Variants in YIPF6 observed in about 807,000 individuals in gnomAD.
YIPF6 encodes protein YIPF6.
Under a neutral mutation model 16.8 loss-of-function variants are expected in YIPF6, and 3 were observed. The ratio of observed to expected loss-of-function variants is 0.18; its 90% CI spans 0.08 to 0.46. The LOEUF is 0.46. YIPF6 is among the 20% of genes least tolerant of loss of function. The pLI, the probability that YIPF6 is intolerant of heterozygous loss-of-function variation, is 0.98. For missense variants in YIPF6, 145 were observed against 184.9 expected, an observed-to-expected ratio of 0.78 and a Z score of 1.25; for synonymous variants, 67 against 61.9, an observed-to-expected ratio of 1.08 and a Z score of -0.38.
chrX:68,532,963 G>A lies in YIPF6; in HGVS notation c.*964G>A, dbSNP rs915034741. ...TGTAGTCTGGCCTCTTAACTAGAAA[G>A]TAAAGCTAAATCAGAAGCCTGTATT... On this transcript the variant is annotated 3_prime_UTR_variant, in exon 7 of 7. Coordinates refer to ENST00000462683, the MANE Select transcript of YIPF6 (RefSeq NM_173834.4). 1 of 111,840 alleles carries A rather than the reference G, an allele frequency of 8.9e-6. No individual in the cohort carries two copies. Among genetic ancestry groups the A allele is most frequent in the African/African-American group, 3.2e-5 (1 of 30,785 alleles). 9.2% of individuals were successfully genotyped at this position (111,840 alleles called of 1,213,427 possible). A position where few individuals can be genotyped will look rare whatever the true frequency, so the allele number is the denominator to read the frequency against.
chrX:68,529,181 C>A (rs974376336), intron 6 of YIPF6, among the ~76,000 whole-genome samples: 2 of 110,280 alleles, frequency 1.8e-5, no homozygotes, highest in African/African-American at 6.6e-5. Context: ...CATTCCTCTT[C>A]ATTCTTTTTT....
chrX:68,512,400 C>T (rs189415714), intron 2 of YIPF6, among the ~76,000 whole-genome samples: 9 of 109,595 alleles, frequency 8.2e-5, no homozygotes, highest in Middle Eastern at 4.7e-3. Flanking sequence ...TGCAGTGAGC[C>T]GAGATCGCAC....
At chrX:68,523,016 A>T in intron 6 of YIPF6, 99 bp downstream of exon 6, 5 of 1,007,544 alleles carry the variant, frequency 5.0e-6, no homozygotes, top group Non-Finnish European at 6.8e-6. Context: ...GTTAGATGTG[A>T]GTGATATGAT....
At chrX:68,525,386 C>T (rs1202751991) in intron 6 of YIPF6, among the ~76,000 whole-genome samples, 1 of 111,770 alleles carries the variant, frequency 8.9e-6, no homozygotes, top group African/African-American at 3.3e-5. Context: ...GGATATTAGC[C>T]CTTTGTCAGA....
intron 1 of YIPF6, among the ~76,000 whole-genome samples, chrX:68,506,772 C>G (rs969456780): frequency 9.0e-6 from 1 of 110,713 alleles, no homozygotes; most frequent in Non-Finnish European, 1.9e-5. Context: ...TGCCTTCTTG[C>G]TATGTTGCCC....
intron 6 of YIPF6, among the ~76,000 whole-genome samples, chrX:68,527,822 T>G: frequency 8.9e-6 from 1 of 112,284 alleles, no homozygotes; most frequent in Non-Finnish European, 1.9e-5. Context: ...TTGATTGCAC[T>G]GTGATCTGAG....
intron 1 of YIPF6, among the ~76,000 whole-genome samples, chrX:68,505,942 G>C (rs1420397235): frequency 1.8e-5 from 2 of 111,205 alleles, no homozygotes; most frequent in Non-Finnish European, 3.8e-5. Flanking sequence ...GACCATATTT[G>C]AATTTTAGCA....
Position 68,532,240 on chromosome X carries a change from A to G in YIPF6, c.*241A>G. 3.3e-6 allele frequency: 1 copy of G among 301,230 alleles called. No individual in the cohort carries two copies. Among genetic ancestry groups the G allele is most frequent in the South Asian group, 8.1e-5 (1 of 12,270 alleles). The allele number at this position is 301,230 out of a possible 1,213,427, so 24.8% of individuals were successfully genotyped here. On this transcript the variant is annotated 3_prime_UTR_variant, in exon 7 of 7. Transcript: ENST00000462683. ...CTTTAAAAATACATGTGCATACTACACACAGTATATAATGCCTCCTTAAGG... is the reference window on the plus strand; with the variant it reads ...CTTTAAAAATACATGTGCATACTACGCACAGTATATAATGCCTCCTTAAGG...
intron 3 of YIPF6, among the ~76,000 whole-genome samples, chrX:68,515,744 C>T (rs1028938553): frequency 1.8e-5 from 2 of 110,650 alleles, no homozygotes; most frequent in Admixed American, 1.9e-4. Flanking sequence ...TTATAGCTCA[C>T]TGTGGCCTCA....
chrX:68,510,052 C>T (rs1034067960), intron 1 of YIPF6, among the ~76,000 whole-genome samples: 4 of 111,936 alleles, frequency 3.6e-5, no homozygotes, highest in Non-Finnish European at 7.5e-5. Flanking sequence ...GATGTCTCTT[C>T]GTGGAAGCAC....
chrX:68,531,367 C>T (rs188286134), intron 6 of YIPF6, among the ~76,000 whole-genome samples: 104 of 111,700 alleles, frequency 9.3e-4, no homozygotes, highest in African/African-American at 3.0e-3. Flanking sequence ...TCTGGTGATC[C>T]GCCTGCCTTT....
Position 68,533,870 on chromosome X carries a change from C to G in YIPF6, c.*1871C>G, listed in dbSNP as rs1235056475. The G allele has an allele frequency of 8.9e-6, 1 of 112,109 alleles. No individual in the cohort carries two copies. Among genetic ancestry groups the G allele is most frequent in the Non-Finnish European group, 1.9e-5 (1 of 53,226 alleles). 9.2% of individuals were successfully genotyped at this position (112,109 alleles called of 1,213,427 possible). On this transcript the variant is annotated 3_prime_UTR_variant, in exon 7 of 7. Coordinates refer to ENST00000462683, the MANE Select transcript of YIPF6 (RefSeq NM_173834.4). ...AACTCTCTTTCTGCCAAAGTTGTTT[C>G]GTAATCTGTCTCAATGACTATAATG...
intron 6 of YIPF6, among the ~76,000 whole-genome samples, chrX:68,529,742 G>T (rs1318068524): frequency 9.0e-6 from 1 of 111,730 alleles, no homozygotes; most frequent in Admixed American, 9.5e-5. Context: ...CTCTGCTGCA[G>T]GTCTGCTTAA....
At chrX:68,512,734 G>A (rs990499072) in intron 2 of YIPF6, among the ~76,000 whole-genome samples, 1 of 111,107 alleles carries the variant, frequency 9.0e-6, no homozygotes, top group Non-Finnish European at 1.9e-5. Context: ...GTTTAATAAC[G>A]GGTAAAATTC....
chrX:68,519,474 A>G (rs1299520284), intron 4 of YIPF6, among the ~76,000 whole-genome samples: 1 of 111,041 alleles, frequency 9.0e-6, no homozygotes, highest in East Asian at 2.8e-4. Flanking sequence ...TTTTAACCTC[A>G]TTGCAATAAT....
chrX:68,507,492 C>G (rs2079064088), intron 1 of YIPF6, among the ~76,000 whole-genome samples: 1 of 111,455 alleles, frequency 9.0e-6, no homozygotes, highest in Admixed American at 9.6e-5. Flanking sequence ...TAGTTTTATT[C>G]TTTTAGCACT....
rs746788521 is a variant in YIPF6 at position 68,532,747 on chromosome X, A to G, written c.*748A>G. Reference sequence around the variant, plus strand: ...CTTAACTTTGAATATGCAGTCTAAAATGTCAGTAGTCAACATGTAATTTTC... The same window carrying G: ...CTTAACTTTGAATATGCAGTCTAAAGTGTCAGTAGTCAACATGTAATTTTC... On this transcript the variant is annotated 3_prime_UTR_variant, in exon 7 of 7. Transcript: ENST00000462683. The G allele has an allele frequency of 2.3e-4, 26 of 112,042 alleles. No homozygotes were observed. The highest frequency in any genetic ancestry group is 4.1e-4 in the Non-Finnish European group (22 of 53,215). 9.2% of individuals were successfully genotyped at this position (112,042 alleles called of 1,213,427 possible). A position where few individuals can be genotyped will look rare whatever the true frequency, so the allele number is the denominator to read the frequency against.
At chrX:68,514,090 G>GC (rs1381735558) in intron 3 of YIPF6, 1 of 106,656 alleles carries the variant, frequency 9.4e-6, no homozygotes, top group African/African-American at 3.4e-5. Flanking sequence ...AACTAGCCAG[G>GC]CCTGGTAGCA....
intron 4 of YIPF6, among the ~76,000 whole-genome samples, chrX:68,521,033 A>G (rs1487066392): frequency 9.0e-6 from 1 of 111,445 alleles, no homozygotes. Flanking sequence ...ATTCAAAATC[A>G]TCTTAAATAT....
Sources: gnomAD v4.1 joint callset for allele counts (sites outside exome capture counted in the v4.1 genomes callset) on GRCh38, gnomAD v4.1.1 for gene constraint, MANE v1.5 for transcripts, NCBI Gene and HGNC (gene_info 2026-07-23, HGNC 2026-07-21) for gene names.